The following MARS1 variants were observed in gnomAD, a reference collection of about 807,000 sequenced individuals.
The protein encoded by MARS1 is methionine--tRNA ligase, cytoplasmic.
Under a neutral mutation model 119.5 loss-of-function variants are expected in MARS1, and 80 were observed. The ratio of observed to expected loss-of-function variants is 0.67; its 90% CI spans 0.56 to 0.81. MARS1 has a LOEUF of 0.81. Among genes scored for constraint, MARS1 ranks in the 30% least tolerant of loss-of-function variants. The pLI, the probability that MARS1 is intolerant of heterozygous loss-of-function variation, is 0.00. For synonymous variants in MARS1, 418 were observed against 433.4 expected (o/e 0.96, Z 0.44); for missense variants, 945 against 1,116.5 (o/e 0.85, Z 2.19).
rs761104443 is a variant in MARS1 at position 57,512,770 on chromosome 12, T to C, written c.1773T>C (p.Asp591=). The C allele has an allele frequency of 3.7e-6, 6 of 1,614,044 alleles. No individual in the cohort carries two copies. Among genetic ancestry groups the C allele is most frequent in the Middle Eastern group, 1.7e-4 (1 of 6,060 alleles). ...GTCCAGAGTACCTGAACTATGAGGATGGGAAATTCTCTAAGAGCCGCGGTG... is the reference window on the plus strand; with the variant it reads ...GTCCAGAGTACCTGAACTATGAGGACGGGAAATTCTCTAAGAGCCGCGGTG... The part of the protein sequence containing the change: ...LIATEYLNYE[D]GKFSKSRGVG... Residue 591 remains aspartate (D), a synonymous_variant, in exon 15 of 21, where the codon GAT becomes GAC. Transcript: ENST00000262027.
chr12:57,503,393 C>T (rs1877024084), intron 10 of MARS1, among the ~76,000 whole-genome samples: 1 of 151,978 alleles, frequency 6.6e-6, no homozygotes, highest in South Asian at 2.1e-4. Context: ...ACTACCAAAC[C>T]CGGCTAATTT....
Position 57,515,141 on chromosome 12 carries a change from C to T in MARS1, c.2205-9C>T. 4 of 1,614,210 alleles carry T rather than the reference C, an allele frequency of 2.5e-6. No individual in the cohort carries two copies. The highest frequency in any genetic ancestry group is 2.2e-5 in the East Asian group (1 of 44,888). ...CTGGAGGTCTTGACTAATGTCTCCT[C>T]TTCCTCAGGCAACGGGCAGGAACAG... On this transcript the variant is annotated splice_polypyrimidine_tract_variant and intron_variant, in intron 17 of 20. Transcript: ENST00000262027.
In MARS1 at chr12:57,498,181, T is replaced by C. The variant is rs1565643759; in HGVS notation, c.795T>C (p.Asn265=). Residue 265 remains asparagine, a synonymous_variant, in exon 8 of 21, where the codon AAT becomes AAC. Transcript: ENST00000262027. ...NPVLPVAGER[N]VLITSALPYV... ...GGTTGCCTGTGGCTGGAGAAAGGAATGTGCTCATCACCAGTGCCCTCCCTT... is the reference window on the plus strand; with the variant it reads ...GGTTGCCTGTGGCTGGAGAAAGGAACGTGCTCATCACCAGTGCCCTCCCTT... The C allele has an allele frequency of 6.2e-7, 1 of 1,614,050 alleles. No individual in the cohort carries two copies. The highest frequency in any genetic ancestry group is 8.5e-7 in the Non-Finnish European group (1 of 1,179,886).
chr12:57,490,236 C>T lies in MARS1; in HGVS notation c.520C>T (p.Gln174Ter). The change falls in exon 6 of 21, where the codon CAG becomes TAG. Residue 174 changes from glutamine (Q) to a stop codon, truncating the protein, a stop_gained. Coordinates refer to ENST00000262027, the MANE Select transcript of MARS1 (RefSeq NM_004990.4). LOFTEE classifies it high-confidence loss of function. ...EELSALHSWFQTLSTQEPCQR... is the reference protein window; with the variant it reads ...EELSALHSWF ...GCTGAGTGCCCTGCACAGCTGGTTC[C>T]AGACACTGAGTACCCAGGAACCATG... The T allele has an allele frequency of 6.2e-7, 1 of 1,613,870 alleles. No individual in the cohort carries two copies. Among genetic ancestry groups the T allele is most frequent in the Non-Finnish European group, 8.5e-7 (1 of 1,179,998 alleles).
chr12:57,503,730 C>T (rs146070398), intron 10 of MARS1, among the ~76,000 whole-genome samples: 303 of 152,082 alleles, frequency 2.0e-3, no homozygotes, highest in Non-Finnish European at 3.5e-3. Flanking sequence ...TTAGTAGATA[C>T]GGGGTTTCAC....
chr12:57,507,142 A>T (rs199634933), intron 11 of MARS1, among the ~76,000 whole-genome samples: 4 of 152,122 alleles, frequency 2.6e-5, no homozygotes, highest in Admixed American at 1.3e-4. Context: ...GACACAGCAC[A>T]TGTTTCAGAG....
chr12:57,512,254 A>T lies in MARS1; in HGVS notation c.1654A>T (p.Met552Leu). ...CCCCTAGGTGGACCTGTATCAGTTC[A>T]TGGCCAAAGACAATGTTCCTTTCCA... The part of the protein sequence containing the change: ...NPEQVDLYQF[M>L]AKDNVPFHSL... The change falls in exon 14 of 21, where the codon ATG becomes TTG. Residue 552 changes from methionine (M) to leucine (L), a missense_variant. Transcript: ENST00000262027. 6.2e-7 allele frequency: 1 copy of T among 1,614,110 alleles called. No homozygotes were observed. Among genetic ancestry groups the T allele is most frequent in the Non-Finnish European group, 8.5e-7 (1 of 1,179,968 alleles).
At position 57,504,264 on chromosome 12, in the gene MARS1, C is replaced by T; in HGVS notation, c.1333C>T (p.Gln445Ter). ...CKVCRSCPVV[Q>*]SSQHLFLDLP... ...AGTCTGCCGATCATGCCCTGTGGTG[C>T]AGTCGAGCCAGCACCTGTTTCTGGA... The change falls in exon 11 of 21, where the codon CAG becomes TAG. Residue 445 changes from glutamine to a stop codon, truncating the protein, a stop_gained. Transcript: ENST00000262027. LOFTEE classifies it high-confidence loss of function. 1 of 1,614,184 alleles carries T rather than the reference C, an allele frequency of 6.2e-7. No homozygotes were observed. Among genetic ancestry groups the T allele is most frequent in the Non-Finnish European group, 8.5e-7 (1 of 1,180,010 alleles).
At chr12:57,503,098 A>G (rs1048644115) in intron 10 of MARS1, among the ~76,000 whole-genome samples, 1 of 152,204 alleles carries the variant, frequency 6.6e-6, no homozygotes, top group Admixed American at 6.5e-5. Context: ...AAAAAGAGCA[A>G]CAACAAAAAA....
chr12:57,513,839 T>C (rs934111224), intron 15 of MARS1, among the ~76,000 whole-genome samples: 7 of 151,634 alleles, frequency 4.6e-5, no homozygotes, highest in African/African-American at 1.2e-4. Flanking sequence ...ATTTAATAAA[T>C]AGTCCTTACC....
rs376268814 is a variant in MARS1 at position 57,498,544 on chromosome 12, A to G, written c.1012A>G (p.Ile338Val). ...CCAGGAGATCTGCGACAAGTACCACATCATCCATGCTGACATCTACCGCTG... is the reference window on the plus strand; with the variant it reads ...CCAGGAGATCTGCGACAAGTACCACGTCATCCATGCTGACATCTACCGCTG... Reference protein sequence around the residue: ...TPQEICDKYHIIHADIYRWFN... With the variant: ...TPQEICDKYHVIHADIYRWFN... Residue 338 changes from isoleucine (I) to valine (V), a missense_variant, in exon 9 of 21, where the codon ATC (isoleucine) becomes GTC (valine). By Grantham distance (29) the Ile-to-Val change is conservative (BLOSUM62 3). Coordinates refer to ENST00000262027, the MANE Select transcript of MARS1 (RefSeq NM_004990.4). The G allele has an allele frequency of 3.1e-6, 5 of 1,614,100 alleles. No homozygotes were observed. The Admixed American group carries it at 8.3e-5, about 27-fold the overall frequency.
chr12:57,493,509 A>ATATAATATAT lies in MARS1; in HGVS notation c.770+2866_770+2875dup, dbSNP rs1876196955. Among the ~76,000 whole-genome samples, 2 of 2,018 alleles carry ATATAATATAT rather than the reference A, an allele frequency of 9.9e-4. 1 individual carries two copies. The highest frequency in any genetic ancestry group is 1.7e-3 in the African/African-American group (2 of 1,196). 1.3% of individuals were successfully genotyped at this position (2,018 alleles called of 152,430 possible). A position where few individuals can be genotyped will look rare whatever the true frequency, so the allele number is the denominator to read the frequency against. ...TATATAATATATTATAATATATAATATATAATATATAATATATTATAATAT... is the reference window on the plus strand; with the variant it reads ...TATATAATATATTATAATATATAATATATAATATATTATAATATATAATATATTATAATAT... On this transcript the variant is annotated intron_variant, in intron 7 of 20. Transcript: ENST00000262027.
chr12:57,489,710 T>C, intron 4 of MARS1, 152 bp downstream of exon 4: 4 of 1,219,912 alleles, frequency 3.3e-6, no homozygotes, highest in Non-Finnish European at 4.6e-6. Flanking sequence ...TCAATTTTTT[T>C]CAGTTGTGAA....
intron 7 of MARS1, among the ~76,000 whole-genome samples, chr12:57,494,198 C>T (rs1297653288): frequency 6.6e-6 from 1 of 151,042 alleles, no homozygotes; most frequent in Admixed American, 6.6e-5. Flanking sequence ...TCAGGGGATC[C>T]ACCTGCCTCG....
In MARS1 at chr12:57,512,769, A is replaced by T. The variant is rs775880924; in HGVS notation, c.1772A>T (p.Asp591Val). The T allele has an allele frequency of 2.5e-6, 4 of 1,613,974 alleles. No homozygotes were observed. In the African/African-American group the frequency reaches 5.3e-5, roughly 22 times the overall value. ...TGTCCAGAGTACCTGAACTATGAGGATGGGAAATTCTCTAAGAGCCGCGGT... is the reference window on the plus strand; with the variant it reads ...TGTCCAGAGTACCTGAACTATGAGGTTGGGAAATTCTCTAAGAGCCGCGGT... ...LIATEYLNYE[D>V]GKFSKSRGVG... Residue 591 changes from aspartate (D) to valine (V), a missense_variant, in exon 15 of 21, where the codon GAT becomes GTT. By Grantham distance (152) the Asp-to-Val change is radical. Transcript: ENST00000262027.
In MARS1 at chr12:57,512,734, C is replaced by A; in HGVS notation, c.1754-17C>A. Reference sequence around the variant, plus strand: ...GTGATGTGAGCAGATGGTTCTCACTCATTCTCCTCTGTCCAGAGTACCTGA... The same window carrying A: ...GTGATGTGAGCAGATGGTTCTCACTAATTCTCCTCTGTCCAGAGTACCTGA... On this transcript the variant is annotated splice_polypyrimidine_tract_variant and intron_variant, in intron 14 of 20. Transcript: ENST00000262027. 1 of 1,596,388 alleles carries A rather than the reference C, an allele frequency of 6.3e-7. No individual in the cohort carries two copies. Among genetic ancestry groups the A allele is most frequent in the Non-Finnish European group, 8.6e-7 (1 of 1,164,056 alleles).
At chr12:57,509,050 A>T (rs1877384713) in intron 11 of MARS1, among the ~76,000 whole-genome samples, 1 of 152,034 alleles carries the variant, frequency 6.6e-6, no homozygotes, top group Admixed American at 6.6e-5. Context: ...TTAACTATTT[A>T]TTATCAGTAT....
chr12:57,506,822 C>T (rs1281522610), intron 11 of MARS1, among the ~76,000 whole-genome samples: 1 of 151,362 alleles, frequency 6.6e-6, no homozygotes, highest in Non-Finnish European at 1.5e-5. Flanking sequence ...ATTACAGGCA[C>T]ATACCACCAT....
intron 15 of MARS1, 36 bp from the exon 16 acceptor site, chr12:57,514,684 C>G: frequency 6.2e-7 from 1 of 1,613,270 alleles, no homozygotes; most frequent in Non-Finnish European, 8.5e-7. Context: ...AACTTCCCCT[C>G]TTTTTTCCAC....
Sources: allele counts gnomAD v4.1 joint callset (sites outside exome capture counted in the v4.1 genomes callset), GRCh38; gene constraint gnomAD v4.1.1; transcripts MANE v1.5; gene names NCBI Gene and HGNC (gene_info 2026-07-23, HGNC 2026-07-21).